Variants in PCDHGB5 observed in about 807,000 individuals in gnomAD.
PCDHGB5 encodes protocadherin gamma-B5.
In PCDHGB5, 48 loss-of-function variants were observed where a neutral mutation model predicts 62.9. That is an observed-to-expected ratio of 0.76 (90% CI 0.61 to 0.97). PCDHGB5 has a LOEUF of 0.97. PCDHGB5 is among the 50% of genes least tolerant of loss of function. The probability of loss-of-function intolerance (pLI) is 0.00; values close to 1 mark genes in which losing one functional copy is unlikely to be tolerated. For missense variants in PCDHGB5, 1,118 were observed against 1,198.6 expected (o/e 0.93, Z 0.99); for synonymous variants, 474 against 511.2 (o/e 0.93, Z 0.98).
chr5:141,430,615 A>G, intron 1 of PCDHGB5: 1 of 686,990 alleles, frequency 1.5e-6, no homozygotes, highest in Non-Finnish European at 2.2e-6. Context: ...CAAAGCAGAT[A>G]GCTAGGAATG....
At chr5:141,422,592 C>T (rs2096658264) in intron 1 of PCDHGB5, 1 of 1,614,090 alleles carries the variant, frequency 6.2e-7, no homozygotes. Flanking sequence ...TTTTTCCTCA[C>T]TCCTCTTACT....
intron 1 of PCDHGB5, chr5:141,422,047 A>G: frequency 6.2e-7 from 1 of 1,611,610 alleles, no homozygotes; most frequent in Non-Finnish European, 8.5e-7. Context: ...AGACGAGGGA[A>G]TCAACGGGGA....
chr5:141,409,849 C>A (rs772503820), intron 1 of PCDHGB5: 1 of 1,612,106 alleles, frequency 6.2e-7, no homozygotes, highest in South Asian at 1.1e-5. Context: ...TGAGCCTGCG[C>A]GTGTTGGTGG....
At chr5:141,443,328 A>C (rs569134076) in intron 1 of PCDHGB5, among the ~76,000 whole-genome samples, 24 of 151,794 alleles carry the variant, frequency 1.6e-4, no homozygotes, top group African/African-American at 4.8e-4. Context: ...AAAAAAAAAA[A>C]ACAAAAATTA....
chr5:141,455,254 G>T (rs936599726), intron 1 of PCDHGB5, among the ~76,000 whole-genome samples: 3 of 151,732 alleles, frequency 2.0e-5, no homozygotes, highest in African/African-American at 7.3e-5. Context: ...TAGTACAATC[G>T]CATTTCTTCC....
rs753358324 is a variant in PCDHGB5, at chr5:141,487,328, G to A, written c.2398-7479G>A. On this transcript the variant is annotated intron_variant, in intron 1 of 3. Transcript: ENST00000617380. This position sits in a 1 kb window ranked among gnomAD's most constrained non-coding sequence, Gnocchi z 5.0. ...ACTACTCTCTAAGTGTCTTCGTGGG[G>A]CAGCCTGTGGAGTCACATGCTTTCC... 1.2e-6 allele frequency: 2 copies of A among 1,613,962 alleles called. No individual in the cohort carries two copies. The highest frequency in any genetic ancestry group is 2.2e-5 in the East Asian group (1 of 44,874).
chr5:141,491,243 ATGAGGACCC>A lies in PCDHGB5; in HGVS notation c.2398-3557_2398-3549del. 1 of 1,614,200 alleles carries A rather than the reference ATGAGGACCC, an allele frequency of 6.2e-7. No individual in the cohort carries two copies. Among genetic ancestry groups the A allele is most frequent in the African/African-American group, 1.3e-5 (1 of 75,056 alleles). ...GCCACAGTGCTGCTGGTTCTGGAGG[ATGAGGACCC>A]TGAGGAAATGCCCAAATCCAGTGAC... On this transcript the variant is annotated intron_variant, in intron 1 of 3. Coordinates refer to ENST00000617380, the MANE Select transcript of PCDHGB5 (RefSeq NM_018925.3). This position sits in a 1 kb window ranked among gnomAD's most constrained non-coding sequence, Gnocchi z 6.9.
chr5:141,482,917 C>CA (rs761402624), intron 1 of PCDHGB5, among the ~76,000 whole-genome samples: 5 of 152,042 alleles, frequency 3.3e-5, no homozygotes, highest in Non-Finnish European at 7.4e-5. Context: ...ATTAAAAATA[C>CA]AAAAAATTAG....
intron 1 of PCDHGB5, among the ~76,000 whole-genome samples, chr5:141,433,497 C>G (rs2097615154): frequency 6.6e-6 from 1 of 152,076 alleles, no homozygotes; most frequent in Non-Finnish European, 1.5e-5. Flanking sequence ...CCCTCCCAAA[C>G]TGCTGGGATT....
intron 1 of PCDHGB5, among the ~76,000 whole-genome samples, chr5:141,450,061 C>A (rs1219642208): frequency 7.2e-6 from 1 of 139,334 alleles, no homozygotes; most frequent in Non-Finnish European, 1.5e-5. Context: ...GGCTGGAATG[C>A]AGTGGTATGA....
Position 141,491,094 on chromosome 5 carries a change from G to C in PCDHGB5, c.2398-3713G>C, listed in dbSNP as rs1240705650. The C allele has an allele frequency of 1.9e-6, 3 of 1,614,202 alleles. No homozygotes were observed. Among genetic ancestry groups the C allele is most frequent in the Non-Finnish European group, 2.5e-6 (3 of 1,180,030 alleles). On this transcript the variant is annotated intron_variant, in intron 1 of 3. Coordinates refer to ENST00000617380, the MANE Select transcript of PCDHGB5 (RefSeq NM_018925.3). The surrounding 1 kb of genome is among the most constrained non-coding windows in gnomAD (Gnocchi z 6.9). The stretch of plus-strand genomic sequence containing the variant: ...TGCCACAGTCCACAGCCCCAGGACT[G>C]TTCCTCGTGTCTACACACACTGGTG...
Position 141,496,980 on chromosome 5 carries a change from G to A in PCDHGB5, c.2456+2115G>A, listed in dbSNP as rs186715298. On this transcript the variant is annotated intron_variant, in intron 2 of 3. Coordinates refer to ENST00000617380, the MANE Select transcript of PCDHGB5 (RefSeq NM_018925.3). ...GTGGGTAGATCACTTGAGGTCAGGG[G>A]TTTGAGACCAGCCTGGCAGCCAACA... Among the ~76,000 whole-genome samples the A allele has an allele frequency of 1.6e-3, 236 of 152,074 alleles. 2 individuals are homozygous for A. Among genetic ancestry groups the A allele is most frequent in the South Asian group, 7.5e-3 (36 of 4,814 alleles).
rs2099693161 is a variant in PCDHGB5, at chr5:141,489,871, G to T, written c.2398-4936G>T. ...TGAAGCCCAGGCAAGACATCAGCTG[G>T]TGCTTACTGCTGTGGATGGGGGGAC... On this transcript the variant is annotated intron_variant, in intron 1 of 3. Coordinates refer to ENST00000617380, the MANE Select transcript of PCDHGB5 (RefSeq NM_018925.3). This position sits in a 1 kb window ranked among gnomAD's most constrained non-coding sequence, Gnocchi z 4.5. The T allele has an allele frequency of 6.2e-7, 1 of 1,614,088 alleles. No homozygotes were observed. Among genetic ancestry groups the T allele is most frequent in the Non-Finnish European group, 8.5e-7 (1 of 1,180,022 alleles).
intron 1 of PCDHGB5, chr5:141,421,851 T>G: frequency 6.2e-7 from 1 of 1,613,714 alleles, no homozygotes; most frequent in East Asian, 2.2e-5. Context: ...AAGAGGCTGC[T>G]CACCTGCTCC....
intron 1 of PCDHGB5, chr5:141,414,940 G>C: frequency 7.4e-6 from 12 of 1,614,104 alleles, no homozygotes; most frequent in Non-Finnish European, 9.3e-6. Context: ...CGCAGAGCCC[G>C]GCTACCTGGT....
intron 1 of PCDHGB5, chr5:141,402,830 G>A: frequency 7.4e-7 from 1 of 1,346,490 alleles, no homozygotes; most frequent in Non-Finnish European, 9.8e-7. Flanking sequence ...CTCCCAGGCT[G>A]CAGCAAAACT....
In PCDHGB5 at chr5:141,399,722, A is replaced by G; in HGVS notation, c.1595A>G (p.Asp532Gly). 4 of 1,613,264 alleles carry G rather than the reference A, an allele frequency of 2.5e-6. No homozygotes were observed. The highest frequency in any genetic ancestry group is 3.4e-6 in the Non-Finnish European group (4 of 1,179,860). Residue 532 changes from aspartate to glycine, a missense_variant, in exon 1 of 4, where the codon GAC becomes GGC. By Grantham distance (94) the Asp-to-Gly change is moderately conservative (BLOSUM62 -1). Coordinates refer to ENST00000617380, the MANE Select transcript of PCDHGB5 (RefSeq NM_018925.3). ...RTFELTLQAR[D>G]QGSPALSANV... The stretch of plus-strand genomic sequence containing the variant: ...TTCGAACTCACACTACAGGCCCGCG[A>G]CCAGGGCTCGCCTGCGCTCAGCGCA...
At chr5:141,507,531 C>T (rs1467914007) in intron 3 of PCDHGB5, among the ~76,000 whole-genome samples, 3 of 151,964 alleles carry the variant, frequency 2.0e-5, no homozygotes, top group African/African-American at 7.2e-5. Flanking sequence ...CCAGAGAGGC[C>T]AGAGACTGAG....
In PCDHGB5 at chr5:141,477,625, C is replaced by T; in HGVS notation, c.2398-17182C>T. ...TTCTCTTGGAGCAAGGAGCTGAAACCGGGCTAGTGGGTCGCTATTTCACAA... is the reference window on the plus strand; with the variant it reads ...TTCTCTTGGAGCAAGGAGCTGAAACTGGGCTAGTGGGTCGCTATTTCACAA... On this transcript the variant is annotated intron_variant, in intron 1 of 3. Coordinates refer to ENST00000617380, the MANE Select transcript of PCDHGB5 (RefSeq NM_018925.3). This position sits in a 1 kb window ranked among gnomAD's most constrained non-coding sequence, Gnocchi z 4.9. The T allele has an allele frequency of 1.2e-6, 2 of 1,614,200 alleles. No homozygotes were observed. Among genetic ancestry groups the T allele is most frequent in the Non-Finnish European group, 1.7e-6 (2 of 1,180,046 alleles).
Sources: gnomAD v4.1 joint callset for allele counts (sites outside exome capture counted in the v4.1 genomes callset) on GRCh38, gnomAD v4.1.1 for gene constraint, Gnocchi (gnomAD v3.1) non-coding constraint, MANE v1.5 for transcripts, NCBI Gene and HGNC (gene_info 2026-07-23, HGNC 2026-07-21) for gene names.